Variants in ERAP1 observed in about 807,000 individuals in gnomAD.
ERAP1 encodes endoplasmic reticulum aminopeptidase 1.
Under a neutral mutation model 103.7 loss-of-function variants are expected in ERAP1, and 86 were observed. The observed-to-expected ratio is 0.83, with a 90% CI of 0.70 to 0.99. ERAP1 has a LOEUF of 0.99. ERAP1 is among the 50% of genes least tolerant of loss of function. ERAP1 has a pLI of 0.00. For missense variants in ERAP1, 1,009 were observed against 1,128.4 expected (o/e 0.89, Z 1.52); for synonymous variants, 398 against 402.4 (o/e 0.99, Z 0.13).
At chr5:96,888,956 A>C in the ERAP1 span, among the ~76,000 whole-genome samples, 1 of 152,216 alleles carries the variant, frequency 6.6e-6, no homozygotes, top group Non-Finnish European at 1.5e-5. Context: ...ACAGATGAGC[A>C]CTGAGGAAAT....
intron 3 of ERAP1, among the ~76,000 whole-genome samples, chr5:96,799,143 G>A (rs1461682902): frequency 1.3e-5 from 2 of 151,920 alleles, no homozygotes; most frequent in Non-Finnish European, 2.9e-5. Flanking sequence ...CGAGATTACA[G>A]TCATGAGCCA....
the ERAP1 span, among the ~76,000 whole-genome samples, chr5:96,869,961 A>T: frequency 6.6e-6 from 1 of 152,214 alleles, no homozygotes; most frequent in African/African-American, 2.4e-5. Context: ...ATAGAAAAAG[A>T]TCTTTAAAGC....
At chr5:96,811,028 C>T (rs1779117915), upstream of ERAP1, among the ~76,000 whole-genome samples, 1 of 152,158 alleles carries the variant, frequency 6.6e-6, no homozygotes, top group South Asian at 2.1e-4. Context: ...CTATCCGGCC[C>T]TTCCACACAC....
intron 18 of ERAP1, among the ~76,000 whole-genome samples, chr5:96,777,558 A>G (rs1363859526): frequency 1.3e-5 from 2 of 152,008 alleles, no homozygotes; most frequent in Non-Finnish European, 2.9e-5. Context: ...TACAATGAGC[A>G]GAAGGCATGG....
chr5:96,774,892 G>A lies in ERAP1; in HGVS notation c.*1504C>T, dbSNP rs13601. 113,137 of 980,990 alleles carry A rather than the reference G, an allele frequency of 0.12. 7,107 individuals are homozygous for A. Among genetic ancestry groups the A allele is most frequent in the Middle Eastern group, 0.13 (247 of 1,912 alleles). The allele number at this position is 980,990 out of a possible 1,614,324, so 60.8% of individuals were successfully genotyped here. Reference sequence around the variant, plus strand: ...GTCACTCTATTTTGTCGTGTATTAGGGGAACACATTTTGACATTTTTCGTA... The same window carrying A: ...GTCACTCTATTTTGTCGTGTATTAGAGGAACACATTTTGACATTTTTCGTA... On this transcript the variant is annotated 3_prime_UTR_variant, in exon 19 of 19. Transcript: ENST00000443439.
chr5:96,785,451 G>C, intron 13 of ERAP1: 1 of 362,454 alleles, frequency 2.8e-6, no homozygotes, highest in Non-Finnish European at 5.4e-6. Context: ...CCGGTATAGC[G>C]GGGCCAGAAG....
chr5:96,903,682 A>ATC, the ERAP1 span: 5 of 887,374 alleles, frequency 5.6e-6, no homozygotes, highest in South Asian at 2.0e-5. Flanking sequence ...TGGAATTCAA[A>ATC]CAGTGATCAC....
chr5:96,877,349 CTG>C, the ERAP1 span, among the ~76,000 whole-genome samples: 1 of 152,166 alleles, frequency 6.6e-6, no homozygotes, highest in African/African-American at 2.4e-5. Context: ...AAGTTAAAGA[CTG>C]TGTGAGTAAA....
chr5:96,769,792 T>G (rs1771575145), downstream of ERAP1: 1 of 151,162 alleles, frequency 6.6e-6, no homozygotes, highest in Admixed American at 6.6e-5. Flanking sequence ...TTTGAGCTTT[T>G]TCTTTTATAT....
the ERAP1 span, among the ~76,000 whole-genome samples, chr5:96,824,539 A>G: frequency 6.6e-6 from 1 of 152,198 alleles, no homozygotes; most frequent in African/African-American, 2.4e-5. Context: ...TCTCTTTGCT[A>G]AGTTTCTATC....
At chr5:96,789,958 C>T (rs1297198572) in intron 10 of ERAP1, among the ~76,000 whole-genome samples, 3 of 152,312 alleles carry the variant, frequency 2.0e-5, no homozygotes, top group East Asian at 3.9e-4. Flanking sequence ...TGTACAAATG[C>T]AGAGCTCTGT....
chr5:96,901,754 G>T, the ERAP1 span: 1 of 1,462,536 alleles, frequency 6.8e-7, no homozygotes, highest in Non-Finnish European at 9.3e-7. Context: ...CTTTCTCTCA[G>T]CTCATCTGGC....
chr5:96,860,126 A>T, the ERAP1 span, among the ~76,000 whole-genome samples: 11 of 152,216 alleles, frequency 7.2e-5, no homozygotes, highest in African/African-American at 2.4e-4. Context: ...CAGTGGCATG[A>T]TCTCGGCTCA....
At chr5:96,817,608 C>A in the ERAP1 span, among the ~76,000 whole-genome samples, 1 of 152,182 alleles carries the variant, frequency 6.6e-6, no homozygotes, top group Non-Finnish European at 1.5e-5. Context: ...TTAAAAAATA[C>A]ACTAGACTGA....
chr5:96,834,754 G>A, the ERAP1 span, among the ~76,000 whole-genome samples: 1 of 152,142 alleles, frequency 6.6e-6, no homozygotes, highest in Admixed American at 6.5e-5. Flanking sequence ...CTGTGGGAAG[G>A]AATAACATTT....
At chr5:96,805,171 A>G (rs1778436018) in intron 1 of ERAP1, among the ~76,000 whole-genome samples, 2 of 152,012 alleles carry the variant, frequency 1.3e-5, no homozygotes, top group Admixed American at 6.6e-5. Context: ...TTCACAGTAC[A>G]TGGAATTCTC....
At chr5:96,917,730 C>T in the ERAP1 span, 8 of 643,014 alleles carry the variant, frequency 1.2e-5, no homozygotes, top group African/African-American at 3.8e-5. Flanking sequence ...CACGGTGAGA[C>T]CCCGTCTCCG....
At chr5:96,927,890 C>T in the ERAP1 span, among the ~76,000 whole-genome samples, 1 of 151,756 alleles carries the variant, frequency 6.6e-6, no homozygotes, top group East Asian at 1.9e-4. Context: ...ATTCTGTGAA[C>T]TGTCTTTTCA....
intron 19 of ERAP1, among the ~76,000 whole-genome samples, chr5:96,764,830 G>T (rs1026888152): frequency 1.3e-4 from 20 of 152,104 alleles, no homozygotes; most frequent in Admixed American, 1.3e-3. Context: ...TTTTCTAATG[G>T]TGTTTAATTT....
Sources: gnomAD v4.1 joint callset for allele counts (sites outside exome capture counted in the v4.1 genomes callset) on GRCh38, gnomAD v4.1.1 for gene constraint, MANE v1.5 for transcripts, NCBI Gene and HGNC (gene_info 2026-07-23, HGNC 2026-07-21) for gene names.